The following FHIP1A variants were observed in gnomAD, a reference collection of about 807,000 sequenced individuals.
FHIP1A encodes the protein FHF complex subunit HOOK interacting protein 1A.
Under a neutral mutation model 88.6 loss-of-function variants are expected in FHIP1A, and 61 were observed. That is an observed-to-expected ratio of 0.69 (90% CI 0.56 to 0.85). FHIP1A has a LOEUF of 0.85. Among genes scored for constraint, FHIP1A ranks in the 40% least tolerant of loss-of-function variants. The probability of loss-of-function intolerance (pLI) is 0.00; values close to 1 mark genes in which losing one functional copy is unlikely to be tolerated. For synonymous variants in FHIP1A, 478 were observed against 496.0 expected, an observed-to-expected ratio of 0.96 and a Z score of 0.48; for missense variants, 1,154 against 1,273.5, an observed-to-expected ratio of 0.91 and a Z score of 1.43.
At chr4:151,503,830 A>G (rs186776260) in intron 3 of FHIP1A, among the ~76,000 whole-genome samples, 2 of 152,140 alleles carry the variant, frequency 1.3e-5, no homozygotes, top group East Asian at 1.9e-4. Context: ...TATAGCATAG[A>G]CTCCCTGTGG....
chr4:151,411,015 G>A (rs1732617488), intron 1 of FHIP1A, among the ~76,000 whole-genome samples: 1 of 152,220 alleles, frequency 6.6e-6, no homozygotes, highest in Non-Finnish European at 1.5e-5. Flanking sequence ...GTGATTGAGA[G>A]TGGTCTAAAA....
intron 4 of FHIP1A, among the ~76,000 whole-genome samples, chr4:151,576,092 T>G (rs1353552485): frequency 6.6e-6 from 1 of 152,152 alleles, no homozygotes; most frequent in Non-Finnish European, 1.5e-5. Context: ...AGTCATGAAG[T>G]TAAATGGAAG....
intron 7 of FHIP1A, among the ~76,000 whole-genome samples, chr4:151,614,343 C>T (rs1027488431): frequency 4.0e-5 from 6 of 151,882 alleles, no homozygotes; most frequent in Admixed American, 3.3e-4. Flanking sequence ...GTGGCATGCA[C>T]CTGTAGTCCC....
chr4:151,506,468 G>T (rs1284455463), intron 3 of FHIP1A, among the ~76,000 whole-genome samples: 1 of 152,158 alleles, frequency 6.6e-6, no homozygotes, highest in Admixed American at 6.5e-5. Context: ...GGTTCTGTAG[G>T]CTGTAAAATA....
At chr4:151,647,592 C>A (rs1482398589) in intron 10 of FHIP1A, among the ~76,000 whole-genome samples, 1 of 152,102 alleles carries the variant, frequency 6.6e-6, no homozygotes, top group Admixed American at 6.5e-5. Flanking sequence ...TTGATATTAA[C>A]GTAATTTGTA....
chr4:151,634,338 A>G (rs1008342344), intron 8 of FHIP1A, among the ~76,000 whole-genome samples: 2 of 151,836 alleles, frequency 1.3e-5, no homozygotes, highest in Non-Finnish European at 3.0e-5. Flanking sequence ...ATATTACTCA[A>G]AAGCAATCTA....
rs541223684 is a variant in FHIP1A, at chr4:151,649,545, C to A, written c.1504C>A (p.Gln502Lys). 3.1e-4 allele frequency: 476 copies of A among 1,551,714 alleles called. 2 individuals carry two copies. The highest frequency in any genetic ancestry group is 6.3e-4 in the Admixed American group (32 of 51,008). ...YGKALDISYL[Q>K]YLWEAHTNIL... Reference sequence around the variant, plus strand: ...GAAAGCCCTGGACATCAGCTACCTGCAGTACCTGTGGGAGGCCCACACCAA... The same window carrying A: ...GAAAGCCCTGGACATCAGCTACCTGAAGTACCTGTGGGAGGCCCACACCAA... Residue 502 changes from glutamine to lysine, a missense_variant, in exon 11 of 14, where the codon CAG becomes AAG. Gln to Lys is a moderately conservative substitution (Grantham distance 53, BLOSUM62 1). Transcript: ENST00000435205.
At position 151,630,857 on chromosome 4, in the gene FHIP1A, A is replaced by T. The variant is rs560446863; in HGVS notation, c.1146+988A>T. ...AAATTAAAAAATTATTGACAGAAAG[A>T]AATTTGGGAAATTCACAAGTATATG... On this transcript the variant is annotated intron_variant, in intron 8 of 13. Transcript: ENST00000435205. Among the ~76,000 whole-genome samples the T allele has an allele frequency of 3.3e-5, 5 of 152,346 alleles. No homozygotes were observed. The East Asian group carries it at 9.6e-4, about 29-fold the overall frequency.
intron 8 of FHIP1A, among the ~76,000 whole-genome samples, chr4:151,635,443 A>G (rs1475070460): frequency 6.6e-6 from 1 of 151,958 alleles, no homozygotes; most frequent in East Asian, 1.9e-4. Context: ...TTGCAGCATC[A>G]TTCACAATAG....
Position 151,649,812 on chromosome 4 carries a change from G to A in FHIP1A, c.1771G>A (p.Ala591Thr), listed in dbSNP as rs2126910748. 1 of 1,551,670 alleles carries A rather than the reference G, an allele frequency of 6.4e-7. No individual in the cohort carries two copies. Among genetic ancestry groups the A allele is most frequent in the East Asian group, 2.4e-5 (1 of 40,918 alleles). The change falls in exon 11 of 14, where the codon GCT (alanine) becomes ACT (threonine). Residue 591 changes from alanine (A) to threonine (T), a missense_variant. By Grantham distance (58) the Ala-to-Thr change is moderately conservative. Transcript: ENST00000435205. ...DSYDTGISSG[A>T]DVGSPGPYDD... ...CTATGACACTGGAATCTCCTCAGGG[G>A]CTGACGTGGGCTCCCCAGGGCCTTA...
At chr4:151,509,637 A>T (rs1220330089) in intron 3 of FHIP1A, among the ~76,000 whole-genome samples, 1 of 152,156 alleles carries the variant, frequency 6.6e-6, no homozygotes, top group Non-Finnish European at 1.5e-5. Flanking sequence ...GGGGCAGGGA[A>T]TAATGGTGAC....
intron 1 of FHIP1A, among the ~76,000 whole-genome samples, chr4:151,438,292 C>T (rs571579342): frequency 9.9e-5 from 15 of 152,158 alleles, no homozygotes; most frequent in Non-Finnish European, 4.4e-5. Context: ...AGATACTCTC[C>T]GAGATGTTTG....
chr4:151,654,221 T>C lies in FHIP1A; in HGVS notation c.2552-2011T>C, dbSNP rs180696351. 4.5e-3 allele frequency among the ~76,000 whole-genome samples: 687 copies of C among 152,322 alleles called. 16 individuals carry two copies. Among genetic ancestry groups the C allele is most frequent in the East Asian group, 3.9e-3 (20 of 5,186 alleles). ...GTCAAAGTGGACTCCATTTGTATCATTACAGTCTACTGGCCTTGACCTAAT... is the reference window on the plus strand; with the variant it reads ...GTCAAAGTGGACTCCATTTGTATCACTACAGTCTACTGGCCTTGACCTAAT... On this transcript the variant is annotated intron_variant, in intron 11 of 13. Coordinates refer to ENST00000435205, the MANE Select transcript of FHIP1A (RefSeq NM_001109977.3).
intron 2 of FHIP1A, among the ~76,000 whole-genome samples, chr4:151,455,538 T>C (rs1440839545): frequency 1.3e-5 from 2 of 152,060 alleles, no homozygotes. Flanking sequence ...GGACTAGGAG[T>C]CAATTTCATT....
chr4:151,450,699 C>G (rs998675929), intron 1 of FHIP1A, among the ~76,000 whole-genome samples: 4 of 152,160 alleles, frequency 2.6e-5, no homozygotes, highest in Non-Finnish European at 5.9e-5. Flanking sequence ...CGCACACCTT[C>G]AACAACTTTT....
chr4:151,619,179 A>T (rs1316116157), intron 7 of FHIP1A, among the ~76,000 whole-genome samples: 1 of 152,210 alleles, frequency 6.6e-6, no homozygotes, highest in Non-Finnish European at 1.5e-5. Context: ...GACATCCATG[A>T]TCATATTTAA....
intron 3 of FHIP1A, among the ~76,000 whole-genome samples, chr4:151,528,100 G>T (rs1731746617): frequency 6.6e-6 from 1 of 152,234 alleles, no homozygotes; most frequent in African/African-American, 2.4e-5. Flanking sequence ...TCTGTGAGAA[G>T]TGAATACTTT....
chr4:151,589,155 T>C (rs1262837206), intron 7 of FHIP1A, among the ~76,000 whole-genome samples: 1 of 152,152 alleles, frequency 6.6e-6, no homozygotes, highest in Non-Finnish European at 1.5e-5. Context: ...AGTAGGATAG[T>C]CAGCCTAAAG....
chr4:151,585,369 G>A (rs1397422233), intron 5 of FHIP1A, among the ~76,000 whole-genome samples: 3 of 152,054 alleles, frequency 2.0e-5, no homozygotes, highest in Admixed American at 6.6e-5. Flanking sequence ...TAGTAAAAAC[G>A]GGGTTTCGCC....
Sources: gnomAD v4.1 joint callset for allele counts (sites outside exome capture counted in the v4.1 genomes callset) on GRCh38, gnomAD v4.1.1 for gene constraint, MANE v1.5 for transcripts, NCBI Gene and HGNC (gene_info 2026-07-23, HGNC 2026-07-21) for gene names.